MSI2: variants seen among roughly 807,000 people sequenced by gnomAD.
MSI2 encodes the protein RNA-binding protein Musashi homolog 2.
MSI2 carries 17 observed loss-of-function variants against 45.6 expected under a neutral mutation model. The observed-to-expected ratio is 0.37, with a 90% confidence interval of 0.26 to 0.56. MSI2 has a LOEUF of 0.56. Among genes scored for constraint, MSI2 ranks in the 20% least tolerant of loss-of-function variants. The pLI is 0.77. For synonymous variants in MSI2, 156 were observed against 158.2 expected, an observed-to-expected ratio of 0.99 and a Z score of 0.11; for missense variants, 293 against 444.2, an observed-to-expected ratio of 0.66 and a Z score of 3.06.
chr17:57,501,138 C>T (rs1348886844), intron 6 of MSI2, among the ~76,000 whole-genome samples: 1 of 152,170 alleles, frequency 6.6e-6, no homozygotes, highest in Non-Finnish European at 1.5e-5. Context: ...CTGTCGCTCA[C>T]CCAAGATCGC....
chr17:57,293,935 G>A (rs1910701723), intron 5 of MSI2, among the ~76,000 whole-genome samples: 1 of 148,582 alleles, frequency 6.7e-6, no homozygotes, highest in African/African-American at 2.5e-5. Flanking sequence ...AAAGGAATAT[G>A]GGCTGTTAGA....
At chr17:57,504,941 A>T (rs2086195217) in intron 6 of MSI2, among the ~76,000 whole-genome samples, 1 of 151,956 alleles carries the variant, frequency 6.6e-6, no homozygotes, top group Non-Finnish European at 1.5e-5. Flanking sequence ...AAAAAAAAAA[A>T]AAAAGAAGAA....
At position 57,464,855 on chromosome 17, in the gene MSI2, C is replaced by T. The variant is rs946795237; in HGVS notation, c.405+63384C>T. ...AAAGTCCTTGGTTCTGAGTTGAAAA[C>T]GGTCCGTCTCCATCGTCAGATATGA... On this transcript the variant is annotated intron_variant, in intron 6 of 13. Coordinates refer to ENST00000284073, the MANE Select transcript of MSI2 (RefSeq NM_138962.4). Among the ~76,000 whole-genome samples, 5 of 152,314 alleles carry T rather than the reference C, an allele frequency of 3.3e-5. 1 individual carries two copies. The highest frequency in any genetic ancestry group is 1.3e-4 in the Admixed American group (2 of 15,294).
At chr17:57,447,374 GT>G (rs1388984741) in intron 6 of MSI2, among the ~76,000 whole-genome samples, 26 of 152,350 alleles carry the variant, frequency 1.7e-4, no homozygotes, top group African/African-American at 5.3e-4. Flanking sequence ...GAGTAACTGG[GT>G]TTACAGGCGC....
At chr17:57,333,750 T>A (rs1380930392) in intron 5 of MSI2, among the ~76,000 whole-genome samples, 1 of 151,624 alleles carries the variant, frequency 6.6e-6, no homozygotes, top group Non-Finnish European at 1.5e-5. Flanking sequence ...GCCTGGTTTG[T>A]ACCTTTTAAA....
chr17:57,413,156 T>TACAC (rs142358775), intron 6 of MSI2, among the ~76,000 whole-genome samples: 5 of 151,652 alleles, frequency 3.3e-5, no homozygotes, highest in Admixed American at 6.6e-5. Context: ...AGCCTTTATA[T>TACAC]ACACACACAC....
Position 57,627,389 on chromosome 17 carries a change from C to T in MSI2, c.727+86C>T. ...GGTGAGAGGACCCCTAAAGAGAATG[C>T]ATTTCTTACATGCATCCACTTGAAA... is the stretch of plus-strand genomic sequence containing the variant. On this transcript the variant is annotated intron_variant, in intron 10 of 13. Transcript: ENST00000284073. The surrounding 1 kb of genome is among the most constrained non-coding windows in gnomAD (Gnocchi z 4.6). The T allele has an allele frequency of 1.8e-6, 2 of 1,113,280 alleles. No individual in the cohort carries two copies. The highest frequency in any genetic ancestry group is 2.8e-6 in the Non-Finnish European group (2 of 726,386). 69.0% of individuals were successfully genotyped at this position (1,113,280 alleles called of 1,614,324 possible). A position where few individuals can be genotyped will look rare whatever the true frequency, so the allele number is the denominator to read the frequency against.
At chr17:57,370,082 G>A (rs792367) in intron 5 of MSI2, among the ~76,000 whole-genome samples, 21,736 of 152,198 alleles carry the variant, frequency 0.14, 1,586 homozygotes, top group African/African-American at 0.17. Context: ...ACAATGAAAC[G>A]TTAAAATTTG....
chr17:57,468,846 G>C (rs1015221028), intron 6 of MSI2, among the ~76,000 whole-genome samples: 11 of 152,084 alleles, frequency 7.2e-5, no homozygotes, highest in African/African-American at 1.7e-4. Flanking sequence ...GCTGTAGGGG[G>C]CCCGAGAGGA....
At chr17:57,428,787 T>G (rs764844905) in intron 6 of MSI2, among the ~76,000 whole-genome samples, 17 of 152,146 alleles carry the variant, frequency 1.1e-4, no homozygotes, top group Non-Finnish European at 2.2e-4. Flanking sequence ...TGAGGTCTCC[T>G]TTGCCTCCCA....
chr17:57,614,806 T>C (rs1907519420), intron 8 of MSI2, among the ~76,000 whole-genome samples: 2 of 152,220 alleles, frequency 1.3e-5, no homozygotes, highest in African/African-American at 4.8e-5. Context: ...GTTTTACTTA[T>C]TCCCTGAGGT....
Position 57,610,467 on chromosome 17 carries a change from C to T in MSI2, c.538-5503C>T, listed in dbSNP as rs1240120639. The stretch of plus-strand genomic sequence containing the variant: ...ACTCCGTCTAAAAAAAAAAAAAATT[C>T]TACATATAGAGGGCTCAGGAGTGTG... On this transcript the variant is annotated intron_variant, in intron 8 of 13. Coordinates refer to ENST00000284073, the MANE Select transcript of MSI2 (RefSeq NM_138962.4). Among the ~76,000 whole-genome samples, 15 of 30,796 alleles carry T rather than the reference C, an allele frequency of 4.9e-4. 7 individuals are homozygous for T. Among genetic ancestry groups the T allele is most frequent in the Non-Finnish European group, 1.8e-4 (2 of 10,874 alleles). The allele number at this position is 30,796 out of a possible 152,430, so 20.2% of individuals were successfully genotyped here. A position where few individuals can be genotyped will look rare whatever the true frequency, so the allele number is the denominator to read the frequency against.
intron 11 of MSI2, among the ~76,000 whole-genome samples, chr17:57,657,778 G>A (rs773415578): frequency 6.6e-6 from 1 of 152,166 alleles, no homozygotes; most frequent in Non-Finnish European, 1.5e-5. Context: ...CCACTTGCTG[G>A]AGGGATCCTG....
At chr17:57,379,771 G>A (rs148334239) in intron 5 of MSI2, among the ~76,000 whole-genome samples, 28 of 152,198 alleles carry the variant, frequency 1.8e-4, no homozygotes, top group Non-Finnish European at 3.4e-4. Flanking sequence ...GTGGCTATGC[G>A]TTCAGCACCC....
chr17:57,432,244 G>A (rs1567819820), intron 6 of MSI2, among the ~76,000 whole-genome samples: 1 of 152,302 alleles, frequency 6.6e-6, no homozygotes, highest in South Asian at 2.1e-4. Context: ...TAGAGGGTGT[G>A]TGAGGCCCCG....
chr17:57,390,191 G>T (rs892653803), intron 5 of MSI2, among the ~76,000 whole-genome samples: 2 of 152,226 alleles, frequency 1.3e-5, no homozygotes, highest in African/African-American at 4.8e-5. Flanking sequence ...AGGAGTTAAG[G>T]CTGCAGTGAG....
chr17:57,572,117 G>A (rs939058045), intron 7 of MSI2, among the ~76,000 whole-genome samples: 1 of 152,224 alleles, frequency 6.6e-6, no homozygotes, highest in African/African-American at 2.4e-5. Flanking sequence ...CCTGACAGGT[G>A]TGTGCAGCAG....
chr17:57,457,739 A>G (rs2085143010), intron 6 of MSI2, among the ~76,000 whole-genome samples: 1 of 151,950 alleles, frequency 6.6e-6, no homozygotes, highest in African/African-American at 2.4e-5. Context: ...TACAAATAAA[A>G]TAAAATCAAA....
chr17:57,689,771 C>A, the MSI2 span, among the ~76,000 whole-genome samples: 2 of 152,188 alleles, frequency 1.3e-5, no homozygotes, highest in Non-Finnish European at 2.9e-5. Flanking sequence ...TTTCATATAA[C>A]TTGAATCAAA....
Sources: gnomAD v4.1 joint callset for allele counts (sites outside exome capture counted in the v4.1 genomes callset) on GRCh38, gnomAD v4.1.1 for gene constraint, Gnocchi (gnomAD v3.1) non-coding constraint, MANE v1.5 for transcripts, NCBI Gene and HGNC (gene_info 2026-07-23, HGNC 2026-07-21) for gene names.